RTN1: variants seen among roughly 807,000 people sequenced by gnomAD.
RTN1 encodes the protein reticulon-1.
Under a neutral mutation model 65.5 loss-of-function variants are expected in RTN1, and 25 were observed. That is an observed-to-expected ratio of 0.38 (90% confidence interval 0.28 to 0.53). The LOEUF (loss-of-function observed/expected upper bound fraction) is 0.53, where lower values mean the gene tolerates loss of function less well. RTN1 is among the 20% of genes least tolerant of loss of function. The probability of loss-of-function intolerance (pLI) is 0.79; values close to 1 mark genes in which losing one functional copy is unlikely to be tolerated. For synonymous variants in RTN1, 471 were observed against 447.6 expected (o/e 1.05, Z -0.66); for missense variants, 983 against 1,025.4 (o/e 0.96, Z 0.57).
chr14:59,687,736 T>C (rs1476037520), intron 3 of RTN1, among the ~76,000 whole-genome samples: 2 of 150,890 alleles, frequency 1.3e-5, no homozygotes, highest in Non-Finnish European at 3.0e-5. Context: ...TCCTGACCCA[T>C]TGTACCATTC....
At chr14:59,613,578 G>T (rs1882020396) in intron 3 of RTN1, among the ~76,000 whole-genome samples, 1 of 152,144 alleles carries the variant, frequency 6.6e-6, no homozygotes, top group Admixed American at 6.5e-5. Flanking sequence ...GATTATAGGT[G>T]TGAGCCACCG....
chr14:59,720,960 T>A lies in RTN1; in HGVS notation c.1765+5959A>T, dbSNP rs1017756112. Among the ~76,000 whole-genome samples, 4 of 151,862 alleles carry A rather than the reference T, an allele frequency of 2.6e-5. 1 individual carries two copies. The South Asian group carries it at 8.3e-4, about 32-fold the overall frequency. On this transcript the variant is annotated intron_variant, in intron 3 of 8. Coordinates refer to ENST00000267484, the MANE Select transcript of RTN1 (RefSeq NM_021136.3). ...GAATCTTTATAGCCCGGTATATTAA[T>A]ACAGTCTCATGAAAGTGAACACATA...
At chr14:59,787,227 A>G (rs1245422005) in intron 1 of RTN1, among the ~76,000 whole-genome samples, 1 of 151,960 alleles carries the variant, frequency 6.6e-6, no homozygotes, top group Non-Finnish European at 1.5e-5. Flanking sequence ...CCCCTAGGGG[A>G]GCTATGGAGG....
Position 59,790,748 on chromosome 14 carries a change from A to C in RTN1, c.242-44267T>G, listed in dbSNP as rs978782186. On this transcript the variant is annotated intron_variant, in intron 1 of 8. Transcript: ENST00000267484. This position sits in a 1 kb window ranked among gnomAD's most constrained non-coding sequence, Gnocchi z 4.1. ...TTCTTTTTCATTTGTTCTATTTCCT[A>C]CCCCAGATATACTGATTTTTCTTTG... 4.6e-5 allele frequency among the ~76,000 whole-genome samples: 7 copies of C among 151,806 alleles called. No individual in the cohort carries two copies. The highest frequency in any genetic ancestry group is 1.7e-4 in the African/African-American group (7 of 41,406).
At chr14:59,788,569 T>G (rs760331256) in intron 1 of RTN1, among the ~76,000 whole-genome samples, 1 of 152,202 alleles carries the variant, frequency 6.6e-6, no homozygotes, top group African/African-American at 2.4e-5. Flanking sequence ...TTTGAAGGGA[T>G]TTTTTCTTTC....
chr14:59,673,418 G>A (rs975695882), intron 3 of RTN1, among the ~76,000 whole-genome samples: 1 of 152,240 alleles, frequency 6.6e-6, no homozygotes, highest in African/African-American at 2.4e-5. Flanking sequence ...AGCTTTGTGA[G>A]TTCCAGGTCC....
chr14:59,661,259 CAAAAAA>C (rs768483248), intron 3 of RTN1, among the ~76,000 whole-genome samples: 1 of 83,400 alleles, frequency 1.2e-5, no homozygotes, highest in Admixed American at 1.7e-4. Context: ...GCCTACCAAC[CAAAAAA>C]AAAAAAAAAA....
At chr14:59,735,440 G>A (rs1884983404) in intron 2 of RTN1, among the ~76,000 whole-genome samples, 1 of 152,112 alleles carries the variant, frequency 6.6e-6, no homozygotes, top group Non-Finnish European at 1.5e-5. Context: ...GACACAAAGT[G>A]GCAGGCTGAA....
At chr14:59,625,995 G>C (rs1467240227) in intron 3 of RTN1, among the ~76,000 whole-genome samples, 1 of 152,084 alleles carries the variant, frequency 6.6e-6, no homozygotes, top group East Asian at 1.9e-4. Flanking sequence ...TAGAGCCAGG[G>C]AGTCTGCAAT....
intron 2 of RTN1, among the ~76,000 whole-genome samples, chr14:59,738,515 G>T (rs1308556565): frequency 6.6e-6 from 1 of 152,154 alleles, no homozygotes; most frequent in Non-Finnish European, 1.5e-5. Context: ...ATGCTGGCAA[G>T]GTTGTGGAGA....
At chr14:59,845,576 C>G (rs996851163) in intron 1 of RTN1, among the ~76,000 whole-genome samples, 3 of 152,134 alleles carry the variant, frequency 2.0e-5, no homozygotes, top group Admixed American at 6.6e-5. Flanking sequence ...TTTATAAACA[C>G]AAATCTGAGA....
rs575554245 is a variant in RTN1, at chr14:59,664,160, C to A, written c.1766-56668G>T. On this transcript the variant is annotated intron_variant, in intron 3 of 8. Transcript: ENST00000267484. ...CCACAGCAAAGGACGAGTTCATATC[C>A]TTTGCAGGGACATGGATGAAGCTGG... Among the ~76,000 whole-genome samples the A allele has an allele frequency of 1.4e-4, 22 of 152,212 alleles. No individual in the cohort carries two copies. In the South Asian group the frequency reaches 4.4e-3, roughly 30 times the overall value.
chr14:59,669,796 C>T (rs1022764781), intron 3 of RTN1, among the ~76,000 whole-genome samples: 8 of 151,966 alleles, frequency 5.3e-5, no homozygotes, highest in East Asian at 1.9e-4. Flanking sequence ...TTCACACTGC[C>T]GATGAGTGGA....
At chr14:59,623,299 C>T (rs1338283651) in intron 3 of RTN1, among the ~76,000 whole-genome samples, 1 of 152,204 alleles carries the variant, frequency 6.6e-6, no homozygotes, top group African/African-American at 2.4e-5. Flanking sequence ...AGAACATTCC[C>T]ATTCTTTCCA....
At chr14:59,813,380 G>A (rs1428429649) in intron 1 of RTN1, among the ~76,000 whole-genome samples, 1 of 152,140 alleles carries the variant, frequency 6.6e-6, no homozygotes, top group Non-Finnish European at 1.5e-5. Context: ...TGTGGGGAAA[G>A]TCATCAAGGG....
chr14:59,749,367 TATCTATATATCTATATCTATA>T, intron 1 of RTN1, among the ~76,000 whole-genome samples: 1 of 78,472 alleles, frequency 1.3e-5, no homozygotes. Context: ...TCTATATATA[TATCTATATATCTATATCTATA>T]TATATCTATA....
Position 59,753,252 on chromosome 14 carries a change from G to A in RTN1, c.242-6771C>T, listed in dbSNP as rs142800072. Among the ~76,000 whole-genome samples, 51 of 152,156 alleles carry A rather than the reference G, an allele frequency of 3.4e-4. No homozygotes were observed. The East Asian group carries it at 9.9e-3, about 29-fold the overall frequency. ...GAGGCTATAAATAGAATCAACAATT[G>A]GGAAGAAGTCCCATTCCTACCCTAC... On this transcript the variant is annotated intron_variant, in intron 1 of 8. Coordinates refer to ENST00000267484, the MANE Select transcript of RTN1 (RefSeq NM_021136.3).
intron 3 of RTN1, among the ~76,000 whole-genome samples, chr14:59,703,414 C>G (rs982554282): frequency 2.0e-5 from 3 of 152,150 alleles, no homozygotes; most frequent in African/African-American, 4.8e-5. Flanking sequence ...AGTGTGGCAC[C>G]TCCCATCTCA....
chr14:59,605,505 C>T lies in RTN1; in HGVS notation c.1975G>A (p.Ala659Thr), dbSNP rs777103897. The T allele has an allele frequency of 4.3e-6, 7 of 1,613,238 alleles. No homozygotes were observed. In the South Asian group the frequency reaches 6.6e-5, roughly 15 times the overall value. The change falls in exon 5 of 9, where the codon GCC becomes ACC. Residue 659 changes from alanine (A) to threonine (T), a missense_variant and splice_region_variant. By Grantham distance (58) the Ala-to-Thr change is moderately conservative. Transcript: ENST00000267484. ...QKTDEGHPFK[A>T]YLELEITLSQ... is the part of the protein sequence containing the mutation. Reference sequence around the variant, plus strand: ...AGGGTGATCTCAAGCTCCAAGTAGGCCCTGTCAACAAACCATTCCCACAGA... The same window carrying T: ...AGGGTGATCTCAAGCTCCAAGTAGGTCCTGTCAACAAACCATTCCCACAGA...
Sources: allele counts gnomAD v4.1 joint callset (sites outside exome capture counted in the v4.1 genomes callset), GRCh38; gene constraint gnomAD v4.1.1; non-coding constraint Gnocchi (gnomAD v3.1); transcripts MANE v1.5; gene names NCBI Gene and HGNC (gene_info 2026-07-23, HGNC 2026-07-21).